SDK1: variants seen among roughly 807,000 people sequenced by gnomAD.
SDK1 encodes the protein protein sidekick-1.
A neutral mutation model predicts 245.5 loss-of-function variants in SDK1; 157 were observed. The ratio of observed to expected loss-of-function variants is 0.64; its 90% CI spans 0.56 to 0.73. The LOEUF is 0.73. Among genes scored for constraint, SDK1 ranks in the 30% least tolerant of loss-of-function variants. The pLI is 0.00. For missense variants in SDK1, 3,583 were observed against 3,002.3 expected (o/e 1.19, Z -4.52); for synonymous variants, 1,647 against 1,278.5 (o/e 1.29, Z -6.15).
intron 5 of SDK1, among the ~76,000 whole-genome samples, chr7:3,849,538 A>G (rs538180158): frequency 3.6e-4 from 55 of 152,336 alleles, no homozygotes; most frequent in East Asian, 1.9e-3. Flanking sequence ...TATATGTTCA[A>G]TGGTTGAGAG....
At chr7:3,437,116 T>C (rs1780051648) in intron 1 of SDK1, among the ~76,000 whole-genome samples, 2 of 152,210 alleles carry the variant, frequency 1.3e-5, no homozygotes, top group South Asian at 4.1e-4. Flanking sequence ...ATACATCCTT[T>C]AAAAATCAAT....
At chr7:3,802,149 C>G (rs1388615091) in intron 4 of SDK1, among the ~76,000 whole-genome samples, 1 of 152,136 alleles carries the variant, frequency 6.6e-6, no homozygotes, top group Non-Finnish European at 1.5e-5. Flanking sequence ...AATATCAAAA[C>G]CAGGAGATTG....
rs766317887 is a variant in SDK1 at position 4,026,607 on chromosome 7, A to G, written c.2602+9255A>G. On this transcript the variant is annotated intron_variant, in intron 17 of 44. Transcript: ENST00000404826. The surrounding 1 kb of genome is among the most constrained non-coding windows in gnomAD (Gnocchi z 4.1). ...GAAAAAAAAATAAGTTCAGAAAGGA[A>G]CACACAAAACTTTTTAAGTGTTAAA... Among the ~76,000 whole-genome samples the G allele has an allele frequency of 6.6e-5, 10 of 152,198 alleles. No homozygotes were observed. Among genetic ancestry groups the G allele is most frequent in the Non-Finnish European group, 1.3e-4 (9 of 68,032 alleles).
At chr7:4,143,307 G>A (rs1478182662) in intron 28 of SDK1, among the ~76,000 whole-genome samples, 1 of 152,220 alleles carries the variant, frequency 6.6e-6, no homozygotes, top group Non-Finnish European at 1.5e-5. Context: ...CCACCACAGG[G>A]TGAGGAACTG....
chr7:3,917,444 C>T (rs1432725215), intron 5 of SDK1, among the ~76,000 whole-genome samples: 2 of 152,170 alleles, frequency 1.3e-5, no homozygotes, highest in African/African-American at 2.4e-5. Context: ...TTCCCCAAGA[C>T]ACGGGCTGCA....
intron 1 of SDK1, among the ~76,000 whole-genome samples, chr7:3,552,488 C>T (rs909939790): frequency 1.3e-5 from 2 of 152,204 alleles, no homozygotes; most frequent in African/African-American, 2.4e-5. Context: ...TCTAGGCTGA[C>T]ATACTCTGAA....
intron 38 of SDK1, among the ~76,000 whole-genome samples, chr7:4,217,304 AACCAGGCCACCCGGAGC>A (rs1325946169): frequency 4.4e-4 from 26 of 59,390 alleles, no homozygotes; most frequent in East Asian, 1.6e-3. Context: ...CTACCTGGAG[AACCAGGCCACCCGGAGC>A]ACCAGGCCAC....
At position 4,060,177 on chromosome 7, in the gene SDK1, G is replaced by A. The variant is rs541883312; in HGVS notation, c.2912-7661G>A. Among the ~76,000 whole-genome samples the A allele has an allele frequency of 1.1e-3, 160 of 152,212 alleles. 1 individual carries two copies. The highest frequency in any genetic ancestry group is 8.1e-3 in the South Asian group (39 of 4,824). On this transcript the variant is annotated intron_variant, in intron 19 of 44. Coordinates refer to ENST00000404826, the MANE Select transcript of SDK1 (RefSeq NM_152744.4). ...ATTACAGGCGTGAGCCACCACGCCC[G>A]GCCAGAAATTTCTTGAAACAAATGA...
intron 1 of SDK1, among the ~76,000 whole-genome samples, chr7:3,561,772 T>A (rs1779759498): frequency 6.6e-6 from 1 of 152,332 alleles, no homozygotes; most frequent in Non-Finnish European, 1.5e-5. Flanking sequence ...CAGAATACAC[T>A]GTTTCTAACA....
intron 4 of SDK1, among the ~76,000 whole-genome samples, chr7:3,813,331 A>G (rs1360475302): frequency 7.1e-6 from 1 of 140,942 alleles, no homozygotes; most frequent in African/African-American, 2.7e-5. Flanking sequence ...CTCATTGTTC[A>G]TTTCCCACCT....
intron 4 of SDK1, among the ~76,000 whole-genome samples, chr7:3,668,405 T>C (rs1216940429): frequency 2.0e-5 from 3 of 152,194 alleles, no homozygotes; most frequent in African/African-American, 7.2e-5. Flanking sequence ...GACCTCTCCA[T>C]GGGCATGGAC....
intron 28 of SDK1, among the ~76,000 whole-genome samples, chr7:4,137,343 C>T (rs1044357491): frequency 6.6e-6 from 1 of 152,204 alleles, no homozygotes; most frequent in Non-Finnish European, 1.5e-5. Flanking sequence ...CTCCAAATTG[C>T]TCTGTGTATA....
chr7:3,946,053 A>T (rs1780565394), intron 5 of SDK1, among the ~76,000 whole-genome samples: 1 of 152,050 alleles, frequency 6.6e-6, no homozygotes, highest in Non-Finnish European at 1.5e-5. Context: ...TAGAAAGAAA[A>T]ACACAGAAAA....
chr7:3,723,912 A>G (rs899474662), intron 4 of SDK1, among the ~76,000 whole-genome samples: 1 of 131,594 alleles, frequency 7.6e-6, no homozygotes, highest in Non-Finnish European at 1.6e-5. Context: ...ACACGTACAT[A>G]TATATATACA....
At chr7:3,435,477 C>T (rs766659646) in intron 1 of SDK1, among the ~76,000 whole-genome samples, 2 of 151,070 alleles carry the variant, frequency 1.3e-5, no homozygotes, top group Admixed American at 6.6e-5. Flanking sequence ...ACTACAGGCA[C>T]AGACAGTCAC....
At chr7:3,737,775 C>G (rs752999249) in intron 4 of SDK1, among the ~76,000 whole-genome samples, 126 of 152,194 alleles carry the variant, frequency 8.3e-4, no homozygotes, top group Non-Finnish European at 1.6e-3. Context: ...CCCTGCAATG[C>G]TAGGGAAGCT....
rs150256193 is a variant in SDK1 at position 3,496,138 on chromosome 7, A to G, written c.299-122942A>G. On this transcript the variant is annotated intron_variant, in intron 1 of 44. Coordinates refer to ENST00000404826, the MANE Select transcript of SDK1 (RefSeq NM_152744.4). ...TTGAATTCCTGCTCTGGTGCTGAGC[A>G]GCTGTATGCCTTTAACTTCTCTGTC... Among the ~76,000 whole-genome samples, 157 of 152,288 alleles carry G rather than the reference A, an allele frequency of 1.0e-3. 1 individual carries two copies. The highest frequency in any genetic ancestry group is 3.5e-3 in the African/African-American group (147 of 41,562).
At chr7:3,449,289 G>T (rs761962897) in intron 1 of SDK1, among the ~76,000 whole-genome samples, 3 of 151,462 alleles carry the variant, frequency 2.0e-5, no homozygotes, top group Admixed American at 1.4e-4. Flanking sequence ...GCCCTGCACA[G>T]AGCGATCAGA....
At chr7:3,351,601 C>T (rs1395530476) in intron 1 of SDK1, among the ~76,000 whole-genome samples, 1 of 152,128 alleles carries the variant, frequency 6.6e-6, no homozygotes, top group African/African-American at 2.4e-5. Context: ...AATTTTATTT[C>T]AGGCTCACTT....
Sources: allele counts gnomAD v4.1 joint callset (sites outside exome capture counted in the v4.1 genomes callset), GRCh38; gene constraint gnomAD v4.1.1; non-coding constraint Gnocchi (gnomAD v3.1); transcripts MANE v1.5; gene names NCBI Gene and HGNC (gene_info 2026-07-23, HGNC 2026-07-21).